RBP7: variants seen among roughly 807,000 people sequenced by gnomAD.
The protein encoded by RBP7 is retinoid-binding protein 7.
A neutral mutation model predicts 16.7 loss-of-function variants in RBP7; 13 were observed. The observed-to-expected ratio is 0.78, with a 90% CI of 0.51 to 1.24. The LOEUF is 1.24. Among genes scored for constraint, RBP7 ranks in the 50% most tolerant of loss-of-function variants. The pLI is 0.00. For missense variants in RBP7, 145 were observed against 159.5 expected (o/e 0.91, Z 0.49); for synonymous variants, 54 against 56.2 (o/e 0.96, Z 0.17).
chr1:10,015,671 A>G, intron 3 of RBP7, 111 bp from the exon 4 acceptor site: 1 of 961,306 alleles, frequency 1.0e-6, no homozygotes, highest in South Asian at 1.4e-5. Context: ...TCATAAAAGA[A>G]AAAAACATGT....
At position 9,997,978 on chromosome 1, in the gene RBP7, T is replaced by G. The variant is rs1262309659; in HGVS notation, c.73+647T>G. ...ACCGCCGCCTCCCACGAGGGCTGGG[T>G]GCCCGCGGCGTTCTTGCTCCCGGGG... On this transcript the variant is annotated intron_variant, in intron 1 of 3. Transcript: ENST00000294435. The surrounding 1 kb of genome is among the most constrained non-coding windows in gnomAD (Gnocchi z 5.9). Among the ~76,000 whole-genome samples, 3 of 152,098 alleles carry G rather than the reference T, an allele frequency of 2.0e-5. No individual in the cohort carries two copies. The highest frequency in any genetic ancestry group is 4.4e-5 in the Non-Finnish European group (3 of 68,004).
chr1:10,006,066 C>T (rs1271202933), intron 1 of RBP7, among the ~76,000 whole-genome samples: 1 of 152,150 alleles, frequency 6.6e-6, no homozygotes, highest in Non-Finnish European at 1.5e-5. Context: ...CCCGCTGAGA[C>T]GTCACCTGGC....
chr1:10,015,973 T>C lies in RBP7; in HGVS notation c.*141T>C, dbSNP rs1451420693. 2.9e-6 allele frequency: 2 copies of C among 687,036 alleles called. No homozygotes were observed. Among genetic ancestry groups the C allele is most frequent in the Non-Finnish European group, 5.1e-6 (2 of 393,946 alleles). 42.6% of individuals were successfully genotyped at this position (687,036 alleles called of 1,614,324 possible). A position where few individuals can be genotyped will look rare whatever the true frequency, so the allele number is the denominator to read the frequency against. ...CCACACAGCGTGTAACCTGAAGTCA[T>C]CTAGATTATGGGGAAACTGCTCAGC... On this transcript the variant is annotated 3_prime_UTR_variant, in exon 4 of 4. Transcript: ENST00000294435.
chr1:10,010,583 ATT>A (rs144226167), intron 3 of RBP7, among the ~76,000 whole-genome samples: 24 of 132,392 alleles, frequency 1.8e-4, no homozygotes, highest in Admixed American at 4.6e-4. Flanking sequence ...TGCCCAGCTA[ATT>A]TTTTTTTTTT....
chr1:10,004,142 G>C (rs1040789668), intron 1 of RBP7: 1 of 139,178 alleles, frequency 7.2e-6, no homozygotes, highest in Non-Finnish European at 1.5e-5. Context: ...GCGGGATCTC[G>C]GCTCACCGCA....
chr1:10,008,299 T>C (rs974386381), intron 3 of RBP7, 25 bp downstream of exon 3: 1 of 1,452,564 alleles, frequency 6.9e-7, no homozygotes, highest in Non-Finnish European at 9.7e-7. Flanking sequence ...TTGTTCTTAA[T>C]GAGATGATAC....
chr1:9,997,374 G>A lies in RBP7; in HGVS notation c.73+43G>A. The A allele has an allele frequency of 6.3e-7, 1 of 1,592,044 alleles. No homozygotes were observed. The highest frequency in any genetic ancestry group is 1.1e-5 in the South Asian group (1 of 90,012). Reference sequence around the variant, plus strand: ...CGGCGGCGGCGCGAGGCTCGCCGTGGGTCTCGGGATCAGGCGAAGGCGGCC... The same window carrying A: ...CGGCGGCGGCGCGAGGCTCGCCGTGAGTCTCGGGATCAGGCGAAGGCGGCC... On this transcript the variant is annotated intron_variant, in intron 1 of 3. Coordinates refer to ENST00000294435, the MANE Select transcript of RBP7 (RefSeq NM_052960.3). This position sits in a 1 kb window ranked among gnomAD's most constrained non-coding sequence, Gnocchi z 5.9.
At chr1:10,011,928 G>A (rs1642631077) in intron 3 of RBP7, among the ~76,000 whole-genome samples, 1 of 151,986 alleles carries the variant, frequency 6.6e-6, no homozygotes, top group African/African-American at 2.4e-5. Context: ...GGAGCCGGGC[G>A]CAGTGGCTCA....
intron 3 of RBP7, 85 bp from the exon 4 acceptor site, chr1:10,015,697 A>G (rs1642756970): frequency 5.0e-6 from 6 of 1,200,002 alleles, no homozygotes; most frequent in Non-Finnish European, 7.4e-6. Context: ...AAAAGGGTTA[A>G]AACACAATAA....
At position 10,000,311 on chromosome 1, in the gene RBP7, C is replaced by T. The variant is rs149134373; in HGVS notation, c.73+2980C>T. Among the ~76,000 whole-genome samples the T allele has an allele frequency of 4.4e-4, 67 of 150,976 alleles. No homozygotes were observed. In the East Asian group the frequency reaches 0.013, roughly 28 times the overall value. On this transcript the variant is annotated intron_variant, in intron 1 of 3. Coordinates refer to ENST00000294435, the MANE Select transcript of RBP7 (RefSeq NM_052960.3). ...CTTTGGGAGGCCGAGGTGGGTGGAT[C>T]ACCTGAAGTCAGGAGTTTGAGACCA...
chr1:10,004,965 C>A (rs772752406), intron 1 of RBP7, among the ~76,000 whole-genome samples: 3 of 151,984 alleles, frequency 2.0e-5, no homozygotes, highest in Non-Finnish European at 2.9e-5. Context: ...TGCAGTCCAG[C>A]CTGGGCAACA....
At position 10,008,892 on chromosome 1, in the gene RBP7, G is replaced by A. The variant is rs531557239; in HGVS notation, c.354+618G>A. 1.4e-4 allele frequency among the ~76,000 whole-genome samples: 22 copies of A among 152,242 alleles called. No homozygotes were observed. In the East Asian group the frequency reaches 4.2e-3, roughly 29 times the overall value. The stretch of plus-strand genomic sequence containing the variant: ...ATGGAACAATTCTTACCTATTATAT[G>A]TAATAGCTACTTTATGTATACATAG... On this transcript the variant is annotated intron_variant, in intron 3 of 3. Transcript: ENST00000294435.
chr1:10,015,213 G>A (rs1167249120), intron 3 of RBP7, among the ~76,000 whole-genome samples: 3 of 151,946 alleles, frequency 2.0e-5, no homozygotes, highest in African/African-American at 7.3e-5. Flanking sequence ...AGGCTGAGGC[G>A]GGCAGATCAT....
rs758236583 is a variant in RBP7, at chr1:10,007,580, T to C, written c.84T>C (p.Phe28=). The change falls in exon 2 of 4, where the codon TTT becomes TTC. Residue 28 remains phenylalanine (F), a synonymous_variant. Coordinates refer to ENST00000294435, the MANE Select transcript of RBP7 (RefSeq NM_052960.3). ...AAAATTATTTTTAAGGTATTGACTT[T>C]GCCACTCGTAAAATAGCCAAGTTGC... ...EGYMLALGID[F]ATRKIAKLLK... The C allele has an allele frequency of 8.1e-6, 13 of 1,606,102 alleles. No homozygotes were observed. Among genetic ancestry groups the C allele is most frequent in the Non-Finnish European group, 1.1e-5 (13 of 1,177,042 alleles).
intron 1 of RBP7, among the ~76,000 whole-genome samples, chr1:9,998,027 T>G (rs1027177345): frequency 2.6e-5 from 4 of 152,182 alleles, no homozygotes; most frequent in African/African-American, 9.6e-5. Context: ...CTTCCCGCCC[T>G]CATCGCGGTG....
chr1:10,003,763 A>G (rs1642342463), intron 1 of RBP7, among the ~76,000 whole-genome samples: 1 of 151,972 alleles, frequency 6.6e-6, no homozygotes, highest in Admixed American at 6.6e-5. Context: ...TATTTTATTT[A>G]TTTATTTTTT....
At chr1:10,014,559 G>C (rs933238719) in intron 3 of RBP7, among the ~76,000 whole-genome samples, 1 of 151,794 alleles carries the variant, frequency 6.6e-6, no homozygotes, top group African/African-American at 2.4e-5. Flanking sequence ...GCTAATTTTT[G>C]TATTTTTAGT....
intron 1 of RBP7, among the ~76,000 whole-genome samples, chr1:10,000,739 T>TTTG: frequency 6.6e-6 from 1 of 152,094 alleles, no homozygotes; most frequent in East Asian, 1.9e-4. Context: ...CGCCTCTTTT[T>TTTG]TTGTTGTTGT....
chr1:10,004,065 A>G (rs1284148461), intron 1 of RBP7: 1 of 83,144 alleles, frequency 1.2e-5, no homozygotes, highest in Non-Finnish European at 2.3e-5. Context: ...CTGCCTCACA[A>G]TTTTTTTTTT....
Sources: allele counts gnomAD v4.1 joint callset (sites outside exome capture counted in the v4.1 genomes callset), GRCh38; gene constraint gnomAD v4.1.1; non-coding constraint Gnocchi (gnomAD v3.1); transcripts MANE v1.5; gene names NCBI Gene and HGNC (gene_info 2026-07-23, HGNC 2026-07-21).